The following STX8 variants were observed in gnomAD, a reference collection of about 807,000 sequenced individuals.
The protein encoded by STX8 is syntaxin-8.
In STX8, 23 loss-of-function variants were observed where a neutral mutation model predicts 37.5. The observed-to-expected ratio is 0.61, with a 90% CI of 0.44 to 0.87. The LOEUF (loss-of-function observed/expected upper bound fraction) is 0.87, where lower values mean the gene tolerates loss of function less well. STX8 is among the 40% of genes least tolerant of loss of function. The pLI is 0.00. For missense variants in STX8, 313 were observed against 284.7 expected, an observed-to-expected ratio of 1.10 and a Z score of -0.71; for synonymous variants, 115 against 99.1, an observed-to-expected ratio of 1.16 and a Z score of -0.95.
intron 7 of STX8, among the ~76,000 whole-genome samples, chr17:9,327,137 A>T (rs1909781846): frequency 6.7e-6 from 1 of 149,598 alleles, no homozygotes; most frequent in Non-Finnish European, 1.5e-5. Flanking sequence ...AGCCTGGGCA[A>T]CAAGAGCTAA....
intron 4 of STX8, among the ~76,000 whole-genome samples, chr17:9,515,240 A>G (rs1427851062): frequency 6.6e-6 from 1 of 152,218 alleles, no homozygotes; most frequent in Non-Finnish European, 1.5e-5. Flanking sequence ...AGAAGGCACT[A>G]AAAAATTTTA....
At chr17:9,326,730 T>C (rs567199280) in intron 7 of STX8, among the ~76,000 whole-genome samples, 46 of 152,296 alleles carry the variant, frequency 3.0e-4, no homozygotes, top group Non-Finnish European at 5.3e-4. Flanking sequence ...ACTGCATGGG[T>C]GGAAAGGCAC....
In STX8 at chr17:9,361,443, A is replaced by C. The variant is rs142030245; in HGVS notation, c.643+17109T>G. 1.3e-4 allele frequency among the ~76,000 whole-genome samples: 20 copies of C among 152,336 alleles called. No homozygotes were observed. The East Asian group carries it at 3.9e-3, about 29-fold the overall frequency. ...CACAAGGGCAGAGTCTCTGGACTGC[A>C]GGCGTTGCTTTGCAGTTGAGCTGCT... On this transcript the variant is annotated intron_variant, in intron 7 of 7. Coordinates refer to ENST00000306357, the MANE Select transcript of STX8 (RefSeq NM_004853.3).
At chr17:9,547,782 C>CTTTTTTTTTTTTTTTT (rs201145334) in intron 3 of STX8, among the ~76,000 whole-genome samples, 3 of 130,048 alleles carry the variant, frequency 2.3e-5, no homozygotes, top group Non-Finnish European at 4.8e-5. Flanking sequence ...CTTTTCTTTT[C>CTTTTTTTTTTTTTTTT]TTTTTTTTTT....
At chr17:9,315,065 G>A (rs1377393791) in intron 7 of STX8, among the ~76,000 whole-genome samples, 16 of 144,286 alleles carry the variant, frequency 1.1e-4, no homozygotes, top group Non-Finnish European at 2.2e-4. Flanking sequence ...TCGTGCCACT[G>A]CACTCCAGCC....
chr17:9,368,023 TG>T (rs1358091369), intron 7 of STX8, among the ~76,000 whole-genome samples: 2 of 152,266 alleles, frequency 1.3e-5, no homozygotes, highest in East Asian at 3.9e-4. Context: ...TGAGCCACCA[TG>T]CCCAGCCAAA....
intron 6 of STX8, among the ~76,000 whole-genome samples, chr17:9,485,943 A>G (rs1221451463): frequency 6.6e-6 from 1 of 152,166 alleles, no homozygotes; most frequent in Non-Finnish European, 1.5e-5. Flanking sequence ...ATACAGAAAA[A>G]CAGAGGGAAG....
chr17:9,526,095 G>A (rs528997125), intron 4 of STX8, among the ~76,000 whole-genome samples: 8 of 152,258 alleles, frequency 5.3e-5, no homozygotes, highest in South Asian at 2.1e-4. Flanking sequence ...TGTGAAAGAC[G>A]AAGTATTCAA....
At position 9,257,353 on chromosome 17, in the gene STX8, C is replaced by CT. The variant is rs565817995; in HGVS notation, c.644-6709dup. On this transcript the variant is annotated intron_variant, in intron 7 of 7. Coordinates refer to ENST00000306357, the MANE Select transcript of STX8 (RefSeq NM_004853.3). The stretch of plus-strand genomic sequence containing the variant: ...TCGTCATCTGGAGTCATGGTCCATA[C>CT]TTTTTTCCAGTGAAACACTGGAAAC... Among the ~76,000 whole-genome samples, 8 of 152,290 alleles carry CT rather than the reference C, an allele frequency of 5.3e-5. No individual in the cohort carries two copies. The South Asian group carries it at 6.2e-4, about 12-fold the overall frequency.
chr17:9,446,714 G>A (rs942190385), intron 6 of STX8, among the ~76,000 whole-genome samples: 1 of 152,144 alleles, frequency 6.6e-6, no homozygotes, highest in Non-Finnish European at 1.5e-5. Flanking sequence ...CAGTGAAAAG[G>A]TTTGAGATAG....
intron 6 of STX8, among the ~76,000 whole-genome samples, chr17:9,456,509 T>C (rs545080299): frequency 1.3e-5 from 2 of 152,318 alleles, no homozygotes; most frequent in African/African-American, 2.4e-5. Flanking sequence ...TTCAAGCCAG[T>C]ACCAGGGCTG....
intron 7 of STX8, among the ~76,000 whole-genome samples, chr17:9,296,049 G>C (rs1243866057): frequency 1.3e-5 from 2 of 152,172 alleles, no homozygotes; most frequent in African/African-American, 4.8e-5. Context: ...AATTAGCCGG[G>C]GGCGGTGGCG....
intron 6 of STX8, among the ~76,000 whole-genome samples, chr17:9,384,125 TA>T (rs201685159): frequency 0.021 from 2,818 of 136,908 alleles, 99 homozygotes; most frequent in African/African-American, 0.079. Flanking sequence ...CCTCATTTGT[TA>T]TTTTTTTTTT....
rs574698119 is a variant in STX8 at position 9,420,372 on chromosome 17, C to T, written c.542-41719G>A. Among the ~76,000 whole-genome samples the T allele has an allele frequency of 8.5e-5, 13 of 152,302 alleles. No homozygotes were observed. In the South Asian group the frequency reaches 1.7e-3, roughly 19 times the overall value. On this transcript the variant is annotated intron_variant, in intron 6 of 7. Coordinates refer to ENST00000306357, the MANE Select transcript of STX8 (RefSeq NM_004853.3). Reference sequence around the variant, plus strand: ...AATTATTTCCTAAAGGGCACGACTCCGCCAAGTTAGCTCTCTTCCTTCGAC... The same window carrying T: ...AATTATTTCCTAAAGGGCACGACTCTGCCAAGTTAGCTCTCTTCCTTCGAC...
chr17:9,500,921 C>T (rs559415585), intron 5 of STX8, among the ~76,000 whole-genome samples: 41 of 152,226 alleles, frequency 2.7e-4, no homozygotes, highest in African/African-American at 9.4e-4. Context: ...AGAAGAATGT[C>T]GTGAACCCAG....
intron 6 of STX8, among the ~76,000 whole-genome samples, chr17:9,436,269 C>T (rs529240266): frequency 5.3e-5 from 8 of 150,596 alleles, no homozygotes; most frequent in Non-Finnish European, 7.4e-5. Context: ...GGCATGAACC[C>T]GGGAGGCGGA....
At chr17:9,350,790 C>T (rs1213679852) in intron 7 of STX8, among the ~76,000 whole-genome samples, 1 of 152,200 alleles carries the variant, frequency 6.6e-6, no homozygotes, top group Non-Finnish European at 1.5e-5. Flanking sequence ...GCCTTGGCCT[C>T]CCAAAGTGCT....
At chr17:9,472,922 G>T (rs1261930191) in intron 6 of STX8, among the ~76,000 whole-genome samples, 5 of 152,220 alleles carry the variant, frequency 3.3e-5, no homozygotes, top group Admixed American at 1.3e-4. Flanking sequence ...AAGTCAGGGA[G>T]GAACTAGGGC....
rs73973762 is a variant in STX8, at chr17:9,442,865, C to T, written c.541+48964G>A. On this transcript the variant is annotated intron_variant, in intron 6 of 7. Coordinates refer to ENST00000306357, the MANE Select transcript of STX8 (RefSeq NM_004853.3). Reference sequence around the variant, plus strand: ...TTATTAGCAGCCAGACTCCTAAGAACGTGTGAGATATCCTCTTGGGACTCA... The same window carrying T: ...TTATTAGCAGCCAGACTCCTAAGAATGTGTGAGATATCCTCTTGGGACTCA... 3.1e-3 allele frequency among the ~76,000 whole-genome samples: 473 copies of T among 152,180 alleles called. 3 individuals are homozygous for T. The highest frequency in any genetic ancestry group is 0.01 in the African/African-American group (429 of 41,528).
Sources: allele counts gnomAD v4.1 joint callset (sites outside exome capture counted in the v4.1 genomes callset), GRCh38; gene constraint gnomAD v4.1.1; transcripts MANE v1.5; gene names NCBI Gene and HGNC (gene_info 2026-07-23, HGNC 2026-07-21).